UNC13C: variants seen among roughly 807,000 people sequenced by gnomAD.
UNC13C encodes protein unc-13 homolog C.
A neutral mutation model predicts 245.4 loss-of-function variants in UNC13C; 174 were observed. The ratio of observed to expected loss-of-function variants is 0.71; its 90% confidence interval spans 0.63 to 0.80. The LOEUF (loss-of-function observed/expected upper bound fraction) is 0.80, where lower values mean the gene tolerates loss of function less well. Among genes scored for constraint, UNC13C ranks in the 30% least tolerant of loss-of-function variants. The pLI is 0.00. For missense variants in UNC13C, 2,829 were observed against 2,602.9 expected (o/e 1.09, Z -1.89); for synonymous variants, 992 against 895.1 (o/e 1.11, Z -1.93).
At chr15:53,891,061 G>T in the UNC13C span, among the ~76,000 whole-genome samples, 5 of 152,090 alleles carry the variant, frequency 3.3e-5, no homozygotes, top group Non-Finnish European at 7.4e-5. Flanking sequence ...CTGGTATGTT[G>T]TGTCTTTGTT....
intron 2 of UNC13C, among the ~76,000 whole-genome samples, chr15:54,113,437 A>G (rs1381631245): frequency 6.6e-6 from 1 of 152,186 alleles, no homozygotes; most frequent in East Asian, 1.9e-4. Context: ...GTCAGGTCAG[A>G]TATCTGCAGC....
At chr15:54,050,539 T>C in intron 2 of UNC13C, 1 of 471,716 alleles carries the variant, frequency 2.1e-6, no homozygotes, top group South Asian at 1.7e-5. Flanking sequence ...TTCATCATTC[T>C]ATCTTCCTGC....
chr15:54,617,538 TTACAAGATCTTA>T (rs1316176448), intron 30 of UNC13C, among the ~76,000 whole-genome samples: 4 of 152,052 alleles, frequency 2.6e-5, no homozygotes. Context: ...AAACAATACC[TTACAAGATCTTA>T]TACCTGAAGC....
At chr15:54,079,396 T>C (rs964903105) in intron 2 of UNC13C, among the ~76,000 whole-genome samples, 3 of 152,158 alleles carry the variant, frequency 2.0e-5, no homozygotes, top group Admixed American at 6.5e-5. Context: ...TAGTTTTTTT[T>C]ATGGACAGTA....
At chr15:54,507,822 A>G (rs918326260) in intron 23 of UNC13C, among the ~76,000 whole-genome samples, 9 of 151,820 alleles carry the variant, frequency 5.9e-5, no homozygotes, top group African/African-American at 2.2e-4. Context: ...CATTGGCAGC[A>G]TTGTAAACAT....
intron 18 of UNC13C, among the ~76,000 whole-genome samples, chr15:54,410,756 G>T (rs538705362): frequency 2.6e-5 from 4 of 152,146 alleles, no homozygotes; most frequent in South Asian, 2.1e-4. Flanking sequence ...TATGGTTACT[G>T]CAGCCTTGTA....
At chr15:54,099,058 A>G (rs1382330765) in intron 2 of UNC13C, among the ~76,000 whole-genome samples, 1 of 152,252 alleles carries the variant, frequency 6.6e-6, no homozygotes, top group Non-Finnish European at 1.5e-5. Context: ...GAGGCTTAGC[A>G]GTCCCTTGGT....
intron 2 of UNC13C, among the ~76,000 whole-genome samples, chr15:54,059,211 A>G (rs1196275174): frequency 1.7e-4 from 1 of 5,994 alleles, no homozygotes; most frequent in Non-Finnish European, 4.2e-3. Context: ...TATCGAGAAA[A>G]CCCCATTAGC....
At chr15:54,432,273 G>GA (rs1177811541) in intron 19 of UNC13C, among the ~76,000 whole-genome samples, 2 of 151,672 alleles carry the variant, frequency 1.3e-5, no homozygotes, top group South Asian at 2.1e-4. Flanking sequence ...ATACCTGTTA[G>GA]AAAAAATGAG....
chr15:53,977,914 G>C (rs1841946), upstream of UNC13C, among the ~76,000 whole-genome samples: 71,709 of 151,958 alleles, frequency 0.47, 17,186 homozygotes, highest in East Asian at 0.61. Flanking sequence ...GTCATTAATT[G>C]AAATTGTTCA....
intron 2 of UNC13C, among the ~76,000 whole-genome samples, chr15:54,118,575 A>G (rs183582999): frequency 6.6e-6 from 1 of 152,216 alleles, no homozygotes; most frequent in Non-Finnish European, 1.5e-5. Flanking sequence ...CTAATATAAT[A>G]TCATGTCATC....
the UNC13C span, among the ~76,000 whole-genome samples, chr15:53,949,280 G>T: frequency 2.0e-5 from 3 of 152,188 alleles, no homozygotes; most frequent in South Asian, 6.2e-4. Flanking sequence ...TATTCAGCCA[G>T]TGTGCTAAAT....
chr15:54,395,843 TTGAA>T (rs2040059030), intron 18 of UNC13C, among the ~76,000 whole-genome samples: 1 of 151,788 alleles, frequency 6.6e-6, no homozygotes, highest in Non-Finnish European at 1.5e-5. Context: ...TACATATTTG[TTGAA>T]TGAATTAATA....
In UNC13C at chr15:54,237,027, A is replaced by G. The variant is rs544567841; in HGVS notation, c.3156+592A>G. Among the ~76,000 whole-genome samples, 5 of 152,270 alleles carry G rather than the reference A, an allele frequency of 3.3e-5. No individual in the cohort carries two copies. The East Asian group carries it at 9.6e-4, about 29-fold the overall frequency. ...TGGTTCTATTTTATGTGGTGAGGAA[A>G]CTAAAGGGACTTGACTCTTATTTAA... On this transcript the variant is annotated intron_variant, in intron 6 of 32. Coordinates refer to ENST00000260323, the MANE Select transcript of UNC13C (RefSeq NM_001080534.3).
chr15:54,037,555 A>G (rs916752215), intron 2 of UNC13C, among the ~76,000 whole-genome samples: 1 of 151,770 alleles, frequency 6.6e-6, no homozygotes, highest in African/African-American at 2.4e-5. Context: ...TTTATACATC[A>G]AAATGAATTT....
intron 4 of UNC13C, among the ~76,000 whole-genome samples, chr15:54,161,374 C>T (rs2032967010): frequency 6.6e-6 from 1 of 152,042 alleles, no homozygotes; most frequent in South Asian, 2.1e-4. Flanking sequence ...TTTCTTTCTG[C>T]CAGGTACATG....
intron 17 of UNC13C, among the ~76,000 whole-genome samples, chr15:54,379,827 T>A (rs2039682566): frequency 6.6e-6 from 1 of 152,176 alleles, no homozygotes; most frequent in Non-Finnish European, 1.5e-5. Context: ...TGCTCAGGTA[T>A]TTTTGGTATG....
At chr15:53,936,324 T>A in the UNC13C span, among the ~76,000 whole-genome samples, 38 of 152,210 alleles carry the variant, frequency 2.5e-4, no homozygotes, top group East Asian at 7.2e-3. Context: ...GGGCTCCCTG[T>A]GGGAATTTCA....
In UNC13C at chr15:54,332,155, C is replaced by T. The variant is rs776307262; in HGVS notation, c.4494+44C>T. ...GCCTAAAAGAAAACTGTTGTTTGGT[C>T]TAGAGAATTTCTTGCCATATTGTAA... On this transcript the variant is annotated intron_variant, in intron 15 of 32. Coordinates refer to ENST00000260323, the MANE Select transcript of UNC13C (RefSeq NM_001080534.3). 5.1e-5 allele frequency: 69 copies of T among 1,355,486 alleles called. 1 individual carries two copies. The highest frequency in any genetic ancestry group is 6.7e-5 in the Non-Finnish European group (67 of 999,578). The allele number at this position is 1,355,486 out of a possible 1,614,324, so 84.0% of individuals were successfully genotyped here.
Sources: allele counts gnomAD v4.1 joint callset (sites outside exome capture counted in the v4.1 genomes callset), GRCh38; gene constraint gnomAD v4.1.1; transcripts MANE v1.5; gene names NCBI Gene and HGNC (gene_info 2026-07-23, HGNC 2026-07-21).